The following TMED5 variants were observed in gnomAD, a reference collection of about 807,000 sequenced individuals.
TMED5 encodes the protein transmembrane emp24 domain-containing protein 5.
Under a neutral mutation model 23.0 loss-of-function variants are expected in TMED5, and 27 were observed. The ratio of observed to expected loss-of-function variants is 1.17; its 90% CI spans 0.86 to 1.62. The LOEUF (loss-of-function observed/expected upper bound fraction) is 1.62, where lower values mean the gene tolerates loss of function less well. Among genes scored for constraint, TMED5 ranks in the 40% most tolerant of loss-of-function variants. The probability of loss-of-function intolerance (pLI) is 0.00; values close to 1 mark genes in which losing one functional copy is unlikely to be tolerated. For missense variants in TMED5, 248 were observed against 273.7 expected, an observed-to-expected ratio of 0.91 and a Z score of 0.66; for synonymous variants, 97 against 100.8, an observed-to-expected ratio of 0.96 and a Z score of 0.23.
rs1647914683 is a variant in TMED5 at position 93,152,495 on chromosome 1, C to T, written c.*2175G>A. On this transcript the variant is annotated 3_prime_UTR_variant, in exon 4 of 4. Transcript: ENST00000370282. Reference sequence around the variant, plus strand: ...TTAAATATCTGTCTTTTTACTTTGTCTATAAAAATAATTGTCCTTAGTATT... The same window carrying T: ...TTAAATATCTGTCTTTTTACTTTGTTTATAAAAATAATTGTCCTTAGTATT... 1 of 152,154 alleles carries T rather than the reference C, an allele frequency of 6.6e-6. No homozygotes were observed. 9.4% of individuals were successfully genotyped at this position (152,154 alleles called of 1,614,324 possible). A position where few individuals can be genotyped will look rare whatever the true frequency, so the allele number is the denominator to read the frequency against.
chr1:93,170,110 T>A (rs1322205983), intron 1 of TMED5, among the ~76,000 whole-genome samples: 1 of 152,210 alleles, frequency 6.6e-6, no homozygotes, highest in Non-Finnish European at 1.5e-5. Context: ...GGTGACAGCA[T>A]GCTGGCAGCC....
chr1:93,179,976 AGTTTCTAAACGG>A, intron 1 of TMED5, 66 bp downstream of exon 1: 1 of 1,440,652 alleles, frequency 6.9e-7, no homozygotes, highest in Non-Finnish European at 9.4e-7. Context: ...GTCCACCAGA[AGTTTCTAAACGG>A]GTGAGAGGCG....
In TMED5 at chr1:93,150,910, TAATA is replaced by T. The variant is rs1257272284; in HGVS notation, c.*3756_*3759del. ...TCCTCATCTTCCATAAAAGGCACAA[TAATA>T]AATCTAAGCTTGTTAAAACAGAAAC... On this transcript the variant is annotated 3_prime_UTR_variant, in exon 4 of 4. Transcript: ENST00000370282. The T allele has an allele frequency of 8.5e-5, 13 of 152,200 alleles. No homozygotes were observed. The highest frequency in any genetic ancestry group is 3.1e-4 in the African/African-American group (13 of 41,446). 9.4% of individuals were successfully genotyped at this position (152,200 alleles called of 1,614,324 possible). A position where few individuals can be genotyped will look rare whatever the true frequency, so the allele number is the denominator to read the frequency against.
chr1:93,154,632 G>A lies in TMED5; in HGVS notation c.*38C>T, dbSNP rs1002722321. 1.4e-6 allele frequency: 2 copies of A among 1,447,766 alleles called. No homozygotes were observed. The highest frequency in any genetic ancestry group is 3.5e-5 in the Admixed American group (2 of 57,888). 89.7% of individuals were successfully genotyped at this position (1,447,766 alleles called of 1,614,324 possible). ...CTGTAACAGTTTATTGCATTTTTAT[G>A]CCTCATTTTTCAATGTTACGTACTC... On this transcript the variant is annotated 3_prime_UTR_variant, in exon 4 of 4. Transcript: ENST00000370282.
chr1:93,166,012 A>G (rs895199569), intron 1 of TMED5, among the ~76,000 whole-genome samples: 6 of 152,114 alleles, frequency 3.9e-5, no homozygotes, highest in African/African-American at 1.4e-4. Flanking sequence ...TGAGAACGTG[A>G]TATTTGTCTT....
chr1:93,174,144 C>CT (rs59483888), intron 1 of TMED5, among the ~76,000 whole-genome samples: 4 of 150,762 alleles, frequency 2.7e-5, no homozygotes, highest in African/African-American at 9.7e-5. Context: ...TTTGTTTTTT[C>CT]TTTTTTTTTA....
chr1:93,160,127 A>G lies in TMED5; in HGVS notation c.287+2T>C. ...GAAACTCAACTAAAAGAGATTACTT[A>G]CGTGTGAACTCCATCTGATTTTCTT... On this transcript the variant is annotated splice_donor_variant, in intron 2 of 3. Coordinates refer to ENST00000370282, the MANE Select transcript of TMED5 (RefSeq NM_016040.5). LOFTEE classifies it high-confidence loss of function. 6.3e-7 allele frequency: 1 copy of G among 1,596,730 alleles called. No homozygotes were observed. The highest frequency in any genetic ancestry group is 8.6e-7 in the Non-Finnish European group (1 of 1,164,958).
At chr1:93,173,264 A>C (rs1179535737) in intron 1 of TMED5, among the ~76,000 whole-genome samples, 1 of 149,446 alleles carries the variant, frequency 6.7e-6, no homozygotes, top group Non-Finnish European at 1.5e-5. Context: ...TAATCATTAC[A>C]TGTTGTATAT....
Position 93,156,004 on chromosome 1 carries a change from A to C in TMED5, c.471+296T>G, listed in dbSNP as rs1026676018. The C allele has an allele frequency of 1.5e-5, 19 of 1,254,730 alleles. No homozygotes were observed. The Admixed American group carries it at 1.8e-4, about 12-fold the overall frequency. 77.7% of individuals were successfully genotyped at this position (1,254,730 alleles called of 1,614,324 possible). ...AGCATAATCTATTTATAATTTAAAA[A>C]TTCTAACTGCACATTTATAAAACAA... On this transcript the variant is annotated intron_variant, in intron 3 of 3. Transcript: ENST00000370282.
chr1:93,159,855 C>T (rs547038335), intron 2 of TMED5, among the ~76,000 whole-genome samples: 13 of 152,062 alleles, frequency 8.5e-5, no homozygotes, highest in South Asian at 6.2e-4. Flanking sequence ...TAAAATGCCA[C>T]GATAGATTGA....
chr1:93,174,610 T>C (rs977123155), intron 1 of TMED5, among the ~76,000 whole-genome samples: 6 of 152,180 alleles, frequency 3.9e-5, no homozygotes, highest in African/African-American at 1.4e-4. Flanking sequence ...CAGTACCCAA[T>C]AGTTAACTTT....
chr1:93,178,038 C>T (rs1354692379), intron 1 of TMED5, among the ~76,000 whole-genome samples: 1 of 152,206 alleles, frequency 6.6e-6, no homozygotes, highest in African/African-American at 2.4e-5. Flanking sequence ...CACTAGCCCT[C>T]TAGTTAGTTT....
intron 1 of TMED5, among the ~76,000 whole-genome samples, chr1:93,168,392 C>T (rs1648580919): frequency 6.6e-6 from 1 of 152,110 alleles, no homozygotes; most frequent in Non-Finnish European, 1.5e-5. Flanking sequence ...CCACAAGAAA[C>T]CAACTTTAAA....
At chr1:93,167,370 C>T (rs1317059631) in intron 1 of TMED5, among the ~76,000 whole-genome samples, 1 of 152,152 alleles carries the variant, frequency 6.6e-6, no homozygotes, top group South Asian at 2.1e-4. Context: ...GACATTTTAA[C>T]AATATTGATT....
rs1647982891 is a variant in TMED5 at position 93,154,447 on chromosome 1, A to G, written c.*223T>C. The stretch of plus-strand genomic sequence containing the variant: ...TATTAATATGGCTTCATTCAGTTAA[A>G]CCTATATTCTGCAAAATATTCCTGT... On this transcript the variant is annotated 3_prime_UTR_variant, in exon 4 of 4. Transcript: ENST00000370282. 2.2e-5 allele frequency: 12 copies of G among 542,986 alleles called. No homozygotes were observed. The highest frequency in any genetic ancestry group is 3.9e-5 in the Non-Finnish European group (12 of 308,932). 33.6% of individuals were successfully genotyped at this position (542,986 alleles called of 1,614,324 possible).
At chr1:93,173,968 T>C (rs1272339464) in intron 1 of TMED5, among the ~76,000 whole-genome samples, 1 of 152,032 alleles carries the variant, frequency 6.6e-6, no homozygotes, top group East Asian at 1.9e-4. Context: ...TTTTTTTGTT[T>C]TTTTTTTGAG....
chr1:93,163,919 T>C (rs1571276615), intron 1 of TMED5, among the ~76,000 whole-genome samples: 1 of 148,996 alleles, frequency 6.7e-6, no homozygotes, highest in African/African-American at 2.5e-5. Flanking sequence ...GGAGGCAGAG[T>C]TGCAGTGAGC....
At chr1:93,154,932 A>T in intron 3 of TMED5, 44 bp from the exon 4 acceptor site, 1 of 1,377,802 alleles carries the variant, frequency 7.3e-7, no homozygotes, top group South Asian at 1.3e-5. Flanking sequence ...AATGCTCAGA[A>T]ATTTTAACTT....
At chr1:93,156,596 A>G in intron 2 of TMED5, 113 bp from the exon 3 acceptor site, 1 of 785,354 alleles carries the variant, frequency 1.3e-6, no homozygotes, top group Admixed American at 2.5e-5. Flanking sequence ...CACACCTGTA[A>G]TCCCAGCATT....
Sources: gnomAD v4.1 joint callset for allele counts (sites outside exome capture counted in the v4.1 genomes callset) on GRCh38, gnomAD v4.1.1 for gene constraint, MANE v1.5 for transcripts, NCBI Gene and HGNC (gene_info 2026-07-23, HGNC 2026-07-21) for gene names.